SMAP1: variants seen among roughly 807,000 people sequenced by gnomAD.
SMAP1 encodes the protein small ArfGAP 1, also known as stromal membrane-associated protein 1.
A neutral mutation model predicts 58.5 loss-of-function variants in SMAP1; 24 were observed. The observed-to-expected ratio is 0.41, with a 90% confidence interval of 0.30 to 0.58. SMAP1 has a LOEUF of 0.58. SMAP1 is among the 20% of genes least tolerant of loss of function. The pLI is 0.29. For missense variants in SMAP1, 563 were observed against 566.3 expected, an observed-to-expected ratio of 0.99 and a Z score of 0.06; for synonymous variants, 216 against 196.6, an observed-to-expected ratio of 1.10 and a Z score of -0.82.
rs759270927 is a variant in SMAP1 at position 70,668,093 on chromosome 6, C to T, written c.70C>T (p.Leu24Phe). The change falls in exon 1 of 11, where the codon CTT becomes TTT. Residue 24 changes from leucine (L) to phenylalanine (F), a missense_variant. Leu to Phe is a conservative substitution (Grantham distance 22). Coordinates refer to ENST00000370455, the MANE Select transcript of SMAP1 (RefSeq NM_001044305.3). ...NEQHQLILSK[L>F]LREEDNKYCA... ...GCAGCACCAGCTCATCCTATCCAAGCTTCTGAGGGAGGAGGACAACAAGTA... is the reference window on the plus strand; with the variant it reads ...GCAGCACCAGCTCATCCTATCCAAGTTTCTGAGGGAGGAGGACAACAAGTA... 6.2e-7 allele frequency: 1 copy of T among 1,605,260 alleles called. No individual in the cohort carries two copies. The highest frequency in any genetic ancestry group is 1.1e-5 in the South Asian group (1 of 89,940).
intron 6 of SMAP1, 82 bp downstream of exon 6, chr6:70,798,819 T>TAC: frequency 9.3e-7 from 1 of 1,074,762 alleles, no homozygotes; most frequent in Non-Finnish European, 1.3e-6. Context: ...TCTGGATATT[T>TAC]ATAATATGTA....
chr6:70,704,935 G>A (rs1767775420), intron 1 of SMAP1, among the ~76,000 whole-genome samples: 1 of 152,134 alleles, frequency 6.6e-6, no homozygotes, highest in South Asian at 2.1e-4. Flanking sequence ...AATTGAACAG[G>A]CAGGCATCCA....
intron 1 of SMAP1, among the ~76,000 whole-genome samples, chr6:70,726,874 GGT>G (rs35977042): frequency 0.32 from 45,711 of 144,614 alleles, 7,496 homozygotes; most frequent in Non-Finnish European, 0.38. Flanking sequence ...AAATTTTAGG[GGT>G]GTGTGTGTGT....
At chr6:70,691,413 T>C (rs543619382) in intron 1 of SMAP1, among the ~76,000 whole-genome samples, 1 of 152,238 alleles carries the variant, frequency 6.6e-6, no homozygotes, top group Admixed American at 6.5e-5. Context: ...GTAAATGAGG[T>C]TTCCATCACC....
At chr6:70,803,368 G>A (rs778680773) in intron 6 of SMAP1, among the ~76,000 whole-genome samples, 4 of 151,940 alleles carry the variant, frequency 2.6e-5, no homozygotes, top group Admixed American at 6.6e-5. Context: ...TTTTTATTGC[G>A]TCTATTTGAT....
intron 1 of SMAP1, among the ~76,000 whole-genome samples, chr6:70,718,476 G>A (rs1432513583): frequency 3.9e-5 from 6 of 152,138 alleles, no homozygotes; most frequent in Non-Finnish European, 8.8e-5. Flanking sequence ...AAGGAAAAAT[G>A]AATTCCATCT....
chr6:70,766,324 G>A (rs1766984377), intron 3 of SMAP1, among the ~76,000 whole-genome samples: 1 of 152,210 alleles, frequency 6.6e-6, no homozygotes, highest in Non-Finnish European at 1.5e-5. Context: ...TCAACACACT[G>A]ACTTCCACAA....
At position 70,861,624 on chromosome 6, in the gene SMAP1, T is replaced by G; in HGVS notation, c.*1290T>G. 7 of 1,573,224 alleles carry G rather than the reference T, an allele frequency of 4.4e-6. No homozygotes were observed. The highest frequency in any genetic ancestry group is 6.1e-6 in the Non-Finnish European group (7 of 1,144,998). On this transcript the variant is annotated 3_prime_UTR_variant, in exon 11 of 11. Coordinates refer to ENST00000370455, the MANE Select transcript of SMAP1 (RefSeq NM_001044305.3). ...CTCCAAACATCCTCTTCCATATGGATCCACTGGCTGGACAAACTGCACCAG... is the reference window on the plus strand; with the variant it reads ...CTCCAAACATCCTCTTCCATATGGAGCCACTGGCTGGACAAACTGCACCAG...
At chr6:70,808,441 C>G (rs1025714847) in intron 6 of SMAP1, among the ~76,000 whole-genome samples, 1 of 152,088 alleles carries the variant, frequency 6.6e-6, no homozygotes, top group African/African-American at 2.4e-5. Context: ...AAACAGATAG[C>G]CCAATTTATT....
chr6:70,806,105 G>A (rs1352578233), intron 6 of SMAP1, among the ~76,000 whole-genome samples: 2 of 152,230 alleles, frequency 1.3e-5, no homozygotes, highest in East Asian at 3.9e-4. Flanking sequence ...GCTATGCCCT[G>A]TCCACTGAGG....
At chr6:70,709,922 A>C (rs935720833) in intron 1 of SMAP1, among the ~76,000 whole-genome samples, 11 of 112,220 alleles carry the variant, frequency 9.8e-5, no homozygotes, top group African/African-American at 3.8e-4. Flanking sequence ...TCCCTGGTTA[A>C]ATTTATTCCT....
chr6:70,787,085 C>T (rs1768078110), intron 4 of SMAP1, among the ~76,000 whole-genome samples: 1 of 152,166 alleles, frequency 6.6e-6, no homozygotes, highest in African/African-American at 2.4e-5. Context: ...CAGCATGGTA[C>T]TGGTACCAAA....
intron 4 of SMAP1, among the ~76,000 whole-genome samples, chr6:70,783,826 T>C (rs2149929119): frequency 6.6e-6 from 1 of 152,302 alleles, no homozygotes; most frequent in Non-Finnish European, 1.5e-5. Context: ...CTACGCCTGA[T>C]TGGTGTACCT....
intron 1 of SMAP1, among the ~76,000 whole-genome samples, chr6:70,703,343 G>C (rs1767712808): frequency 6.6e-6 from 1 of 152,100 alleles, no homozygotes; most frequent in Non-Finnish European, 1.5e-5. Flanking sequence ...CAAAGTGGTG[G>C]GATTACAGGT....
rs114950769 is a variant in SMAP1 at position 70,797,926 on chromosome 6, C to T, written c.496-731C>T. ...GAATGCTCTTTGTTTAATCTCTTTT[C>T]ATTTTCCTCTATTGGCCCTTAAGAT... On this transcript the variant is annotated intron_variant, in intron 5 of 10. Transcript: ENST00000370455. Among the ~76,000 whole-genome samples, 956 of 152,162 alleles carry T rather than the reference C, an allele frequency of 6.3e-3. 6 individuals carry two copies. The highest frequency in any genetic ancestry group is 0.022 in the African/African-American group (914 of 41,546).
At chr6:70,766,871 T>C (rs1341092418) in intron 3 of SMAP1, among the ~76,000 whole-genome samples, 1 of 152,246 alleles carries the variant, frequency 6.6e-6, no homozygotes, top group Admixed American at 6.5e-5. Flanking sequence ...AGGGCTTTTA[T>C]GGTTTTAGGT....
chr6:70,675,746 T>C (rs1264522745), intron 1 of SMAP1, among the ~76,000 whole-genome samples: 2 of 152,026 alleles, frequency 1.3e-5, no homozygotes, highest in Non-Finnish European at 2.9e-5. Flanking sequence ...ATAAGGTTCA[T>C]GCTCAAAAGG....
intron 3 of SMAP1, among the ~76,000 whole-genome samples, chr6:70,757,930 A>C (rs1265018414): frequency 2.0e-5 from 3 of 151,992 alleles, no homozygotes; most frequent in South Asian, 2.1e-4. Context: ...TGGGAATGTA[A>C]ACTAGTTCAA....
intron 6 of SMAP1, among the ~76,000 whole-genome samples, chr6:70,801,632 G>A (rs888776275): frequency 9.9e-5 from 15 of 152,140 alleles, no homozygotes; most frequent in Admixed American, 2.6e-4. Context: ...TTCTTCTAGA[G>A]TTTTTATGGT....
Sources: allele counts gnomAD v4.1 joint callset (sites outside exome capture counted in the v4.1 genomes callset), GRCh38; gene constraint gnomAD v4.1.1; transcripts MANE v1.5; gene names NCBI Gene and HGNC (gene_info 2026-07-23, HGNC 2026-07-21).